Variants in BCKDHB observed in about 807,000 individuals in gnomAD.
BCKDHB encodes the protein 2-oxoisovalerate dehydrogenase subunit beta, mitochondrial.
BCKDHB carries 41 observed loss-of-function variants against 48.5 expected under a neutral mutation model. The ratio of observed to expected loss-of-function variants is 0.85; its 90% confidence interval spans 0.66 to 1.10. The LOEUF is 1.10. Ranked by LOEUF, BCKDHB falls within the 50% of genes least tolerant of loss-of-function variation. The pLI, the probability that BCKDHB is intolerant of heterozygous loss-of-function variation, is 0.00. For missense variants in BCKDHB, 496 were observed against 494.2 expected, an observed-to-expected ratio of 1.00 and a Z score of -0.03; for synonymous variants, 201 against 174.8, an observed-to-expected ratio of 1.15 and a Z score of -1.18.
At chr6:80,309,149 C>T (rs1456302772) in intron 9 of BCKDHB, among the ~76,000 whole-genome samples, 6 of 151,620 alleles carry the variant, frequency 4.0e-5, no homozygotes, top group South Asian at 2.1e-4. Flanking sequence ...CTGCAACCTC[C>T]GCCTCCCAGG....
At chr6:80,107,518 T>TATATATATGAAC (rs138189568) in intron 1 of BCKDHB, among the ~76,000 whole-genome samples, 1 of 121,686 alleles carries the variant, frequency 8.2e-6, no homozygotes, top group African/African-American at 4.0e-5. Context: ...TGTGCGCATA[T>TATATATATGAAC]ATATATATAT....
intron 9 of BCKDHB, among the ~76,000 whole-genome samples, chr6:80,295,239 C>G (rs575099426): frequency 6.6e-6 from 1 of 152,052 alleles, no homozygotes; most frequent in Non-Finnish European, 1.5e-5. Context: ...CTCATACTTC[C>G]GATAAAGACA....
At chr6:80,429,225 G>T in the BCKDHB span, among the ~76,000 whole-genome samples, 1 of 152,090 alleles carries the variant, frequency 6.6e-6, no homozygotes, top group Admixed American at 6.6e-5. Context: ...AGTTCTGTTG[G>T]TCTATGTATC....
At chr6:80,431,148 C>A in the BCKDHB span, among the ~76,000 whole-genome samples, 1 of 152,150 alleles carries the variant, frequency 6.6e-6, no homozygotes, top group Non-Finnish European at 1.5e-5. Context: ...GTTTCTTAAT[C>A]CTGAGTTCTA....
At chr6:80,357,927 A>G in the BCKDHB span, among the ~76,000 whole-genome samples, 1 of 152,200 alleles carries the variant, frequency 6.6e-6, no homozygotes, top group Non-Finnish European at 1.5e-5. Flanking sequence ...GGAGCACACA[A>G]ATAGATTCCT....
At chr6:80,111,587 G>A (rs186308144) in intron 1 of BCKDHB, among the ~76,000 whole-genome samples, 175 of 152,286 alleles carry the variant, frequency 1.1e-3, no homozygotes, top group Non-Finnish European at 1.8e-3. Flanking sequence ...TGGCTGGTGT[G>A]CTCCATCAAT....
intron 1 of BCKDHB, among the ~76,000 whole-genome samples, chr6:80,125,477 T>C (rs73479909): frequency 0.072 from 10,959 of 152,260 alleles, 595 homozygotes; most frequent in South Asian, 0.24. Context: ...ACAACTAGGC[T>C]ATTTGGTGCA....
chr6:80,202,768 A>T (rs922530038), intron 7 of BCKDHB, among the ~76,000 whole-genome samples: 19 of 144,528 alleles, frequency 1.3e-4, no homozygotes, highest in Admixed American at 7.1e-4. Flanking sequence ...TTTTCCTTAA[A>T]TGTTGGTGAT....
chr6:80,230,499 CA>C (rs1562157238), intron 8 of BCKDHB, among the ~76,000 whole-genome samples: 1 of 152,032 alleles, frequency 6.6e-6, no homozygotes, highest in African/African-American at 2.4e-5. Context: ...ACATATGGAA[CA>C]GGGGGTTAGC....
At chr6:80,115,050 C>A (rs988941947) in intron 1 of BCKDHB, among the ~76,000 whole-genome samples, 7 of 152,258 alleles carry the variant, frequency 4.6e-5, no homozygotes, top group Non-Finnish European at 7.3e-5. Flanking sequence ...TCCTCATCCT[C>A]TGCCAATACC....
chr6:80,410,164 A>G, the BCKDHB span, among the ~76,000 whole-genome samples: 3 of 152,124 alleles, frequency 2.0e-5, no homozygotes, highest in Non-Finnish European at 2.9e-5. Flanking sequence ...TCTCTCAGCA[A>G]TTGCGTGTCT....
At chr6:80,396,301 T>C in the BCKDHB span, among the ~76,000 whole-genome samples, 1 of 152,206 alleles carries the variant, frequency 6.6e-6, no homozygotes, top group African/African-American at 2.4e-5. Flanking sequence ...CTGGCCACTT[T>C]CTCCCATTTA....
intron 3 of BCKDHB, among the ~76,000 whole-genome samples, chr6:80,153,579 G>A (rs978086351): frequency 3.3e-5 from 5 of 152,128 alleles, no homozygotes; most frequent in Non-Finnish European, 4.4e-5. Flanking sequence ...GCTGCCACGT[G>A]CCTCTCAACT....
chr6:80,157,141 A>G (rs1772081432), intron 3 of BCKDHB, among the ~76,000 whole-genome samples: 1 of 152,050 alleles, frequency 6.6e-6, no homozygotes, highest in African/African-American at 2.4e-5. Context: ...ACCTTCAACT[A>G]GATGTTTTCT....
At chr6:80,167,563 C>T in intron 3 of BCKDHB, 115 bp from the exon 4 acceptor site, 9 of 1,137,604 alleles carry the variant, frequency 7.9e-6, no homozygotes, top group Non-Finnish European at 1.0e-5. Context: ...TTTCTGTTTC[C>T]TCTACCTGTT....
the BCKDHB span, among the ~76,000 whole-genome samples, chr6:80,394,697 A>G: frequency 1.3e-5 from 2 of 152,232 alleles, no homozygotes; most frequent in Admixed American, 6.5e-5. Flanking sequence ...TCCAGCTGTC[A>G]GTAGCTACAG....
intron 9 of BCKDHB, among the ~76,000 whole-genome samples, chr6:80,312,228 G>A (rs1305092731): frequency 2.0e-5 from 3 of 151,908 alleles, no homozygotes; most frequent in South Asian, 4.1e-4. Context: ...CTCTTGGCTT[G>A]CCTGTTGTTA....
At chr6:80,294,840 C>G (rs11961361) in intron 9 of BCKDHB, among the ~76,000 whole-genome samples, 14,441 of 148,552 alleles carry the variant, frequency 0.097, 939 homozygotes, top group South Asian at 0.22. Flanking sequence ...CAGTAGTTCT[C>G]CTTTTGCCCT....
At chr6:80,261,670 C>A (rs1461347050) in intron 8 of BCKDHB, among the ~76,000 whole-genome samples, 2 of 152,088 alleles carry the variant, frequency 1.3e-5, no homozygotes, top group Admixed American at 1.3e-4. Flanking sequence ...CACGTTTCAT[C>A]TGTATCCTTT....
Sources: allele counts gnomAD v4.1 joint callset (sites outside exome capture counted in the v4.1 genomes callset), GRCh38; gene constraint gnomAD v4.1.1; transcripts MANE v1.5; gene names NCBI Gene and HGNC (gene_info 2026-07-23, HGNC 2026-07-21).